Variants in KLHL2 observed in about 807,000 individuals in gnomAD.
KLHL2 encodes kelch-like protein 2.
Under a neutral mutation model 75.8 loss-of-function variants are expected in KLHL2, and 15 were observed. The observed-to-expected ratio is 0.20, with a 90% CI of 0.13 to 0.30. The LOEUF (loss-of-function observed/expected upper bound fraction) is 0.30, where lower values mean the gene tolerates loss of function less well. KLHL2 is among the 10% of genes least tolerant of loss of function. KLHL2 has a pLI of 1.00. For synonymous variants in KLHL2, 214 were observed against 251.9 expected (o/e 0.85, Z 1.42); for missense variants, 381 against 741.0 (o/e 0.51, Z 5.64).
At chr4:165,320,624 A>G (rs758482108) in intron 14 of KLHL2, among the ~76,000 whole-genome samples, 8 of 152,256 alleles carry the variant, frequency 5.3e-5, no homozygotes, top group Non-Finnish European at 1.0e-4. Flanking sequence ...ATGGAAGAGA[A>G]TCTCAACAGA....
In KLHL2 at chr4:165,322,156, C is replaced by T; in HGVS notation, c.*96C>T. 1 of 1,130,450 alleles carries T rather than the reference C, an allele frequency of 8.8e-7. No individual in the cohort carries two copies. Among genetic ancestry groups the T allele is most frequent in the Non-Finnish European group, 1.3e-6 (1 of 741,696 alleles). 70.0% of individuals were successfully genotyped at this position (1,130,450 alleles called of 1,614,324 possible). On this transcript the variant is annotated 3_prime_UTR_variant, in exon 15 of 15. Coordinates refer to ENST00000226725, the MANE Select transcript of KLHL2 (RefSeq NM_007246.4). ...GAATCTAGCACTTCTCCACTTGTAG[C>T]TGCACTTTAAGTCTCAGCAGAAGAT...
intron 5 of KLHL2, chr4:165,279,525 C>T (rs1018923927): frequency 1.3e-6 from 2 of 1,561,762 alleles, no homozygotes; most frequent in Admixed American, 1.7e-5. Flanking sequence ...TTTATTTCCA[C>T]TTGATGATGA....
chr4:165,287,203 A>G (rs1744159878), intron 5 of KLHL2, among the ~76,000 whole-genome samples: 3 of 152,152 alleles, frequency 2.0e-5, no homozygotes, highest in Admixed American at 6.5e-5. Flanking sequence ...TCCTGTTTCT[A>G]TAAATTTGAC....
At chr4:165,315,444 C>T (rs1246064808) in intron 13 of KLHL2, among the ~76,000 whole-genome samples, 1 of 152,124 alleles carries the variant, frequency 6.6e-6, no homozygotes, top group African/African-American at 2.4e-5. Flanking sequence ...TTGATTTAGA[C>T]AACATTACTT....
chr4:165,279,762 C>T (rs1198272052), intron 5 of KLHL2: 1 of 803,308 alleles, frequency 1.2e-6, no homozygotes. Flanking sequence ...GCTGAACTAG[C>T]CTCACTTCTT....
Position 165,322,523 on chromosome 4 carries a change from A to G in KLHL2, c.*463A>G, listed in dbSNP as rs1747060852. On this transcript the variant is annotated 3_prime_UTR_variant, in exon 15 of 15. Coordinates refer to ENST00000226725, the MANE Select transcript of KLHL2 (RefSeq NM_007246.4). The stretch of plus-strand genomic sequence containing the variant: ...AGTATACAAACTAGTTGAGGGATAC[A>G]CTGTTTGCTTTTATAAAATAACTTT... The G allele has an allele frequency of 6.5e-6, 1 of 152,998 alleles. No homozygotes were observed. The highest frequency in any genetic ancestry group is 2.4e-5 in the African/African-American group (1 of 41,488). 9.5% of individuals were successfully genotyped at this position (152,998 alleles called of 1,614,324 possible). A position where few individuals can be genotyped will look rare whatever the true frequency, so the allele number is the denominator to read the frequency against.
chr4:165,289,512 T>G (rs1335631673), intron 5 of KLHL2, among the ~76,000 whole-genome samples: 2 of 146,240 alleles, frequency 1.4e-5, no homozygotes, highest in Admixed American at 6.8e-5. Context: ...TGGTTTGGTT[T>G]TTTTTTTTTT....
intron 5 of KLHL2, among the ~76,000 whole-genome samples, chr4:165,270,515 G>T (rs541461323): frequency 5.9e-4 from 90 of 152,278 alleles, no homozygotes; most frequent in Middle Eastern, 6.8e-3. Flanking sequence ...TGGTGTGGAT[G>T]TCCTTTTTGT....
intron 3 of KLHL2, among the ~76,000 whole-genome samples, chr4:165,233,287 C>A (rs56144732): frequency 0.2 from 30,018 of 151,560 alleles, 3,239 homozygotes; most frequent in Non-Finnish European, 0.28. Flanking sequence ...TAAGAAAGAA[C>A]ATACCAAATT....
intron 9 of KLHL2, among the ~76,000 whole-genome samples, chr4:165,309,104 T>A (rs568200206): frequency 6.6e-6 from 1 of 152,352 alleles, no homozygotes; most frequent in Non-Finnish European, 1.5e-5. Flanking sequence ...TGAGCCACAT[T>A]GCCTGCCCTC....
At chr4:165,210,721 G>T (rs1737147200) in intron 1 of KLHL2, among the ~76,000 whole-genome samples, 1 of 152,194 alleles carries the variant, frequency 6.6e-6, no homozygotes, top group African/African-American at 2.4e-5. Context: ...AAACTGAGAT[G>T]TGCAAAAGGA....
intron 8 of KLHL2, among the ~76,000 whole-genome samples, chr4:165,302,002 G>A (rs1170922677): frequency 1.3e-5 from 2 of 152,158 alleles, no homozygotes; most frequent in Middle Eastern, 3.4e-3. Flanking sequence ...TCTGGTTGTG[G>A]TTTTGGAGTA....
intron 5 of KLHL2, among the ~76,000 whole-genome samples, chr4:165,264,615 C>T (rs559914382): frequency 7.5e-6 from 1 of 132,802 alleles, no homozygotes. Context: ...TACACACACA[C>T]ACGTACGTAT....
intron 1 of KLHL2, among the ~76,000 whole-genome samples, chr4:165,215,598 T>C (rs563277555): frequency 6.6e-6 from 1 of 152,204 alleles, no homozygotes; most frequent in Admixed American, 6.5e-5. Context: ...GCTTTTGAGG[T>C]GAACAGGCAA....
chr4:165,304,803 A>G (rs544645463), intron 8 of KLHL2, among the ~76,000 whole-genome samples: 2 of 152,296 alleles, frequency 1.3e-5, no homozygotes, highest in Admixed American at 6.5e-5. Context: ...GTTACTTCAT[A>G]AGTCTTGTCT....
intron 4 of KLHL2, among the ~76,000 whole-genome samples, chr4:165,248,423 T>TA (rs751932365): frequency 2.6e-5 from 4 of 152,162 alleles, no homozygotes; most frequent in Admixed American, 6.5e-5. Context: ...GTTGGCCAAG[T>TA]AAAAAAAGTC....
intron 4 of KLHL2, among the ~76,000 whole-genome samples, chr4:165,257,318 T>TA (rs1252126410): frequency 2.0e-5 from 3 of 152,228 alleles, no homozygotes; most frequent in Non-Finnish European, 4.4e-5. Context: ...GAAAGCCTTA[T>TA]AAAATATGTC....
At chr4:165,265,931 C>T (rs530450531) in intron 5 of KLHL2, among the ~76,000 whole-genome samples, 14 of 152,262 alleles carry the variant, frequency 9.2e-5, no homozygotes, top group Admixed American at 2.6e-4. Flanking sequence ...ATTTACACTC[C>T]CACCAACAGT....
chr4:165,288,567 C>G (rs1579128203), intron 5 of KLHL2, among the ~76,000 whole-genome samples: 1 of 152,152 alleles, frequency 6.6e-6, no homozygotes, highest in Admixed American at 6.5e-5. Flanking sequence ...TTTTTCATAT[C>G]ATGAGCTTCC....
Sources: allele counts gnomAD v4.1 joint callset (sites outside exome capture counted in the v4.1 genomes callset), GRCh38; gene constraint gnomAD v4.1.1; transcripts MANE v1.5; gene names NCBI Gene and HGNC (gene_info 2026-07-23, HGNC 2026-07-21).